Variants in CBY2 observed in about 807,000 individuals in gnomAD.
The protein encoded by CBY2 is protein chibby homolog 2.
Under a neutral mutation model 25.3 loss-of-function variants are expected in CBY2, and 23 were observed. That is an observed-to-expected ratio of 0.91 (90% CI 0.65 to 1.29). CBY2 has a LOEUF of 1.29. Ranked by LOEUF, CBY2 falls within the 50% of genes most tolerant of loss-of-function variation. The pLI is 0.00. For synonymous variants in CBY2, 279 were observed against 260.2 expected (o/e 1.07, Z -0.70); for missense variants, 642 against 590.7 (o/e 1.09, Z -0.90).
Position 45,713,611 on chromosome 13 carries a change from C to T in CBY2, c.586C>T (p.Leu196=), listed in dbSNP as rs1950288641. The change falls in exon 3 of 3, where the codon CTA becomes TTA. Residue 196 remains leucine (L), a synonymous_variant. Transcript: ENST00000310521. This position sits in a 1 kb window ranked among gnomAD's most constrained non-coding sequence, Gnocchi z 5.0. ...GATGCTCAGCAAGGAGAACAAGATC[C>T]TACAGGTCTTCTGGGAGGAGCACAA... ...NRMLSKENKI[L]QVFWEEHKAS... 6.2e-7 allele frequency: 1 copy of T among 1,613,812 alleles called. No individual in the cohort carries two copies. The highest frequency in any genetic ancestry group is 1.6e-4 in the Middle Eastern group (1 of 6,062).
At position 45,713,950 on chromosome 13, in the gene CBY2, G is replaced by C; in HGVS notation, c.925G>C (p.Glu309Gln). 6.5e-7 allele frequency: 1 copy of C among 1,531,970 alleles called. No homozygotes were observed. Among genetic ancestry groups the C allele is most frequent in the Non-Finnish European group, 8.7e-7 (1 of 1,144,114 alleles). The allele number at this position is 1,531,970 out of a possible 1,614,324, so 94.9% of individuals were successfully genotyped here. A position where few individuals can be genotyped will look rare whatever the true frequency, so the allele number is the denominator to read the frequency against. Residue 309 changes from glutamate (E) to glutamine (Q), a missense_variant, in exon 3 of 3, where the codon GAG becomes CAG. Transcript: ENST00000310521. This position sits in a 1 kb window ranked among gnomAD's most constrained non-coding sequence, Gnocchi z 5.0. ...GGGCTCCGGCCTCTCCTCCCGCTTC[G>C]AGGAGCCCAAAGGGCCTCCGGCCCG... ...DQGSGLSSRF[E>Q]EPKGPPARQE... is the part of the protein sequence containing the mutation.
intron 2 of CBY2, among the ~76,000 whole-genome samples, chr13:45,708,921 A>T (rs911514721): frequency 1.3e-5 from 2 of 152,214 alleles, no homozygotes; most frequent in African/African-American, 4.8e-5. Flanking sequence ...TTATTTGTCC[A>T]TCAGCATTTC....
intron 2 of CBY2, among the ~76,000 whole-genome samples, chr13:45,711,732 G>A (rs1950271261): frequency 6.6e-6 from 1 of 152,138 alleles, no homozygotes. Flanking sequence ...TTCTGTACTG[G>A]GATGTGTGAA....
Position 45,714,370 on chromosome 13 carries a change from T to C in CBY2, c.1345T>C (p.Ter449ArgextTer42). The change falls in exon 3 of 3, where the codon TGA becomes CGA. Residue 449 changes from the stop codon to arginine (R), a stop_lost. Coordinates refer to ENST00000310521, the MANE Select transcript of CBY2 (RefSeq NM_152719.3). ...SQDPKKPSRV* is the reference protein window; with the variant it reads ...SQDPKKPSRVR Reference sequence around the variant, plus strand: ...GGACCCCAAGAAGCCTAGCAGGGTCTGAGGCCTCGGCCTTGCACCGGGACG... The same window carrying C: ...GGACCCCAAGAAGCCTAGCAGGGTCCGAGGCCTCGGCCTTGCACCGGGACG... The C allele has an allele frequency of 6.3e-7, 1 of 1,593,206 alleles. No individual in the cohort carries two copies. The highest frequency in any genetic ancestry group is 8.6e-7 in the Non-Finnish European group (1 of 1,168,814).
At chr13:45,703,186 CT>C in intron 2 of CBY2, 1 of 1,246,802 alleles carries the variant, frequency 8.0e-7, no homozygotes, top group Non-Finnish European at 1.0e-6. Flanking sequence ...TGCAATCACT[CT>C]GGATTTCTGG....
In CBY2 at chr13:45,713,240, C is replaced by T. The variant is rs781536192; in HGVS notation, c.215C>T (p.Ala72Val). 9 of 1,613,500 alleles carry T rather than the reference C, an allele frequency of 5.6e-6. No homozygotes were observed. The highest frequency in any genetic ancestry group is 2.2e-5 in the East Asian group (1 of 44,890). ...LHNLYSTPRCAQQAALPRLSR... is the reference protein window; with the variant it reads ...LHNLYSTPRCVQQAALPRLSR... ...AACTTGTACAGCACCCCTCGCTGCGCGCAGCAGGCCGCCCTGCCCCGGCTG... is the reference window on the plus strand; with the variant it reads ...AACTTGTACAGCACCCCTCGCTGCGTGCAGCAGGCCGCCCTGCCCCGGCTG... Residue 72 changes from alanine (A) to valine (V), a missense_variant, in exon 3 of 3, where the codon GCG (alanine) becomes GTG (valine). Ala to Val is a moderately conservative substitution (Grantham distance 64). Transcript: ENST00000310521. This position sits in a 1 kb window ranked among gnomAD's most constrained non-coding sequence, Gnocchi z 5.0.
rs1328822377 is a variant in CBY2, at chr13:45,713,154, C to T, written c.157-28C>T. The T allele has an allele frequency of 3.8e-6, 6 of 1,560,796 alleles. No individual in the cohort carries two copies. The highest frequency in any genetic ancestry group is 2.3e-5 in the East Asian group (1 of 44,340). Reference sequence around the variant, plus strand: ...CCAAGTGTGTCAGTCCCATCGTTAACGCTGGGCTTTCCCATTCTCTCCCGC... The same window carrying T: ...CCAAGTGTGTCAGTCCCATCGTTAATGCTGGGCTTTCCCATTCTCTCCCGC... On this transcript the variant is annotated intron_variant, in intron 2 of 2. Transcript: ENST00000310521. This position sits in a 1 kb window ranked among gnomAD's most constrained non-coding sequence, Gnocchi z 5.0.
chr13:45,710,352 G>A (rs1017729819), intron 2 of CBY2, among the ~76,000 whole-genome samples: 2 of 152,048 alleles, frequency 1.3e-5, no homozygotes, highest in African/African-American at 4.8e-5. Flanking sequence ...ATGAAACCCC[G>A]TCTCTACTAA....
At chr13:45,707,556 A>G (rs1950246601) in intron 2 of CBY2, among the ~76,000 whole-genome samples, 1 of 152,200 alleles carries the variant, frequency 6.6e-6, no homozygotes, top group South Asian at 2.1e-4. Context: ...GGACTCATTA[A>G]GCCTCCACCA....
intron 1 of CBY2, 116 bp from the exon 2 acceptor site, chr13:45,702,659 C>T: frequency 1.1e-6 from 1 of 943,410 alleles, no homozygotes. Context: ...CATAATTGTA[C>T]ATAATTGACA....
intron 2 of CBY2, among the ~76,000 whole-genome samples, chr13:45,710,717 T>C (rs1008911323): frequency 2.0e-5 from 3 of 152,188 alleles, no homozygotes; most frequent in African/African-American, 7.2e-5. Flanking sequence ...AGTTGAGAAA[T>C]GTGAAAACCA....
chr13:45,710,563 C>G (rs4941529), intron 2 of CBY2, among the ~76,000 whole-genome samples: 41,476 of 151,992 alleles, frequency 0.27, 6,956 homozygotes, highest in Non-Finnish European at 0.37. Context: ...ACCACCACAA[C>G]AAAACATTCA....
At chr13:45,703,254 A>G in intron 2 of CBY2, 1 of 1,297,960 alleles carries the variant, frequency 7.7e-7, no homozygotes, top group Non-Finnish European at 9.8e-7. Context: ...CCATGAGAAG[A>G]AAACCTCATC....
In CBY2 at chr13:45,713,946, C is replaced by G. The variant is rs1950294323; in HGVS notation, c.921C>G (p.Arg307=). 1 of 1,533,002 alleles carries G rather than the reference C, an allele frequency of 6.5e-7. No homozygotes were observed. The highest frequency in any genetic ancestry group is 8.7e-7 in the Non-Finnish European group (1 of 1,144,512). The allele number at this position is 1,533,002 out of a possible 1,614,324, so 95.0% of individuals were successfully genotyped here. A position where few individuals can be genotyped will look rare whatever the true frequency, so the allele number is the denominator to read the frequency against. The change falls in exon 3 of 3, where the codon CGC becomes CGG. Residue 307 remains arginine, a synonymous_variant. Transcript: ENST00000310521. The surrounding 1 kb of genome is among the most constrained non-coding windows in gnomAD (Gnocchi z 5.0). Reference sequence around the variant, plus strand: ...ACCAGGGCTCCGGCCTCTCCTCCCGCTTCGAGGAGCCCAAAGGGCCTCCGG... The same window carrying G: ...ACCAGGGCTCCGGCCTCTCCTCCCGGTTCGAGGAGCCCAAAGGGCCTCCGG... ...LQDQGSGLSS[R]FEEPKGPPAR... is the part of the protein sequence containing the mutation.
At chr13:45,707,868 T>C (rs766232607) in intron 2 of CBY2, among the ~76,000 whole-genome samples, 9 of 152,262 alleles carry the variant, frequency 5.9e-5, no homozygotes, top group Non-Finnish European at 1.0e-4. Flanking sequence ...ATATTACATA[T>C]GAATACAGAA....
rs867389572 is a variant in CBY2, at chr13:45,714,040, G to T, written c.1015G>T (p.Gly339Trp). ...GGTCAGCAACATGTCCGGGCCCTCCGGGGAGGAGGAGGCCAAGGTGGGCCC... is the reference window on the plus strand; with the variant it reads ...GGTCAGCAACATGTCCGGGCCCTCCTGGGAGGAGGAGGCCAAGGTGGGCCC... Reference protein sequence around the residue: ...KMVSNMSGPSGEEEAKVGPGL... With the variant: ...KMVSNMSGPSWEEEAKVGPGL... The change falls in exon 3 of 3, where the codon GGG becomes TGG. Residue 339 changes from glycine (G) to tryptophan (W), a missense_variant. Gly to Trp is a radical substitution (Grantham distance 184). Transcript: ENST00000310521. 1 of 1,496,104 alleles carries T rather than the reference G, an allele frequency of 6.7e-7. No individual in the cohort carries two copies. The highest frequency in any genetic ancestry group is 8.9e-7 in the Non-Finnish European group (1 of 1,122,130). 92.7% of individuals were successfully genotyped at this position (1,496,104 alleles called of 1,614,324 possible).
chr13:45,713,980 G>C lies in CBY2; in HGVS notation c.955G>C (p.Glu319Gln). The C allele has an allele frequency of 6.6e-7, 1 of 1,513,450 alleles. No individual in the cohort carries two copies. The highest frequency in any genetic ancestry group is 8.8e-7 in the Non-Finnish European group (1 of 1,135,370). 93.8% of individuals were successfully genotyped at this position (1,513,450 alleles called of 1,614,324 possible). ...GCCCAAAGGGCCTCCGGCCCGGCAG[G>C]AGGACTCCAAGGAGCTGCGCGCCCT... Reference protein sequence around the residue: ...EEPKGPPARQEDSKELRALRK... With the variant: ...EEPKGPPARQQDSKELRALRK... The change falls in exon 3 of 3, where the codon GAG becomes CAG. Residue 319 changes from glutamate to glutamine, a missense_variant. Transcript: ENST00000310521. The surrounding 1 kb of genome is among the most constrained non-coding windows in gnomAD (Gnocchi z 5.0).
Position 45,704,855 on chromosome 13 carries a change from C to T in CBY2, c.156+2000C>T, listed in dbSNP as rs1950231306. On this transcript the variant is annotated intron_variant, in intron 2 of 2. Coordinates refer to ENST00000310521, the MANE Select transcript of CBY2 (RefSeq NM_152719.3). This position sits in a 1 kb window ranked among gnomAD's most constrained non-coding sequence, Gnocchi z 4.1. The stretch of plus-strand genomic sequence containing the variant: ...TAAGCTGGGCCATGCTGCATCTTAG[C>T]TCCATGGTTCTTCTCTTGCTTTTTG... 6.6e-6 allele frequency among the ~76,000 whole-genome samples: 1 copy of T among 152,226 alleles called. No individual in the cohort carries two copies. Among genetic ancestry groups the T allele is most frequent in the Non-Finnish European group, 1.5e-5 (1 of 68,030 alleles).
In CBY2 at chr13:45,704,768, G is replaced by A. The variant is rs762146504; in HGVS notation, c.156+1913G>A. Among the ~76,000 whole-genome samples, 14 of 152,188 alleles carry A rather than the reference G, an allele frequency of 9.2e-5. No homozygotes were observed. Among genetic ancestry groups the A allele is most frequent in the East Asian group, 1.9e-4 (1 of 5,198 alleles). The stretch of plus-strand genomic sequence containing the variant: ...AACCCCACTAGTAATGGCAGAGCTC[G>A]AGGAAGGGGCTTGAACTCAAATCAG... On this transcript the variant is annotated intron_variant, in intron 2 of 2. Transcript: ENST00000310521. This position sits in a 1 kb window ranked among gnomAD's most constrained non-coding sequence, Gnocchi z 4.1.
Sources: gnomAD v4.1 joint callset for allele counts (sites outside exome capture counted in the v4.1 genomes callset) on GRCh38, gnomAD v4.1.1 for gene constraint, Gnocchi (gnomAD v3.1) non-coding constraint, MANE v1.5 for transcripts, NCBI Gene and HGNC (gene_info 2026-07-23, HGNC 2026-07-21) for gene names.